The following SLC35F3 variants were observed in gnomAD, a reference collection of about 807,000 sequenced individuals.
SLC35F3 encodes solute carrier family 35 member F3, also known as putative thiamine transporter SLC35F3.
In SLC35F3, 25 loss-of-function variants were observed where a neutral mutation model predicts 49.9. The observed-to-expected ratio is 0.50, with a 90% confidence interval of 0.37 to 0.70. SLC35F3 has a LOEUF of 0.70. Among genes scored for constraint, SLC35F3 ranks in the 30% least tolerant of loss-of-function variants. The probability of loss-of-function intolerance (pLI) is 0.00; values close to 1 mark genes in which losing one functional copy is unlikely to be tolerated. For synonymous variants in SLC35F3, 275 were observed against 265.4 expected, an observed-to-expected ratio of 1.04 and a Z score of -0.35; for missense variants, 525 against 639.8, an observed-to-expected ratio of 0.82 and a Z score of 1.94.
intron 2 of SLC35F3, among the ~76,000 whole-genome samples, chr1:234,184,150 AC>A (rs1408883515): frequency 4.9e-4 from 74 of 151,884 alleles, no homozygotes; most frequent in African/African-American, 1.7e-3. Flanking sequence ...AAAAAAAAAA[AC>A]AAAAAACCTA....
At chr1:234,159,977 GC>G (rs1259093338) in intron 2 of SLC35F3, among the ~76,000 whole-genome samples, 11 of 152,174 alleles carry the variant, frequency 7.2e-5, no homozygotes, top group Admixed American at 3.3e-4. Flanking sequence ...GGACAATGGG[GC>G]ATAGAGAAGT....
At chr1:233,920,534 TC>T (rs755050231) in intron 2 of SLC35F3, among the ~76,000 whole-genome samples, 35 of 152,220 alleles carry the variant, frequency 2.3e-4, no homozygotes, top group Non-Finnish European at 4.3e-4. Flanking sequence ...GGTTGTAGTG[TC>T]CTGACGGACA....
intron 2 of SLC35F3, among the ~76,000 whole-genome samples, chr1:233,998,979 AG>A (rs1463730004): frequency 6.6e-6 from 1 of 152,188 alleles, no homozygotes; most frequent in Non-Finnish European, 1.5e-5. Context: ...TTACTGATGG[AG>A]TTAAATAGGG....
chr1:234,321,852 C>T (rs1261727606), intron 7 of SLC35F3, among the ~76,000 whole-genome samples: 4 of 151,960 alleles, frequency 2.6e-5, no homozygotes, highest in Non-Finnish European at 5.9e-5. Flanking sequence ...CTCTCCTTAT[C>T]TAGTGAATTA....
At chr1:233,932,710 C>G (rs370889854) in intron 2 of SLC35F3, among the ~76,000 whole-genome samples, 1 of 152,180 alleles carries the variant, frequency 6.6e-6, no homozygotes, top group Non-Finnish European at 1.5e-5. Context: ...CTTGATGGAT[C>G]AGTTGTTTAT....
intron 2 of SLC35F3, among the ~76,000 whole-genome samples, chr1:234,109,004 C>T (rs182708708): frequency 1.4e-4 from 22 of 151,826 alleles, no homozygotes; most frequent in Admixed American, 1.2e-3. Context: ...GAAATGCCTG[C>T]CACCAATCTC....
intron 2 of SLC35F3, among the ~76,000 whole-genome samples, chr1:234,185,545 C>G (rs1666630295): frequency 6.6e-6 from 1 of 152,142 alleles, no homozygotes; most frequent in Non-Finnish European, 1.5e-5. Flanking sequence ...GGGGTGGAAC[C>G]CTTGGCTAGC....
chr1:234,309,188 C>T lies in SLC35F3; in HGVS notation c.696C>T (p.Leu232=). 6.2e-7 allele frequency: 1 copy of T among 1,614,196 alleles called. No individual in the cohort carries two copies. The highest frequency in any genetic ancestry group is 8.5e-7 in the Non-Finnish European group (1 of 1,180,040). The change falls in exon 4 of 8, where the codon CTC becomes CTT. Residue 232 remains leucine, a synonymous_variant. Transcript: ENST00000366618. ...KAAPFGVLWT[L]TNYLYLHAIK... is the part of the protein sequence containing the mutation. Reference sequence around the variant, plus strand: ...CACCCTTTGGTGTTCTTTGGACACTCACAAACTACCTGTACTTACATGCAA... The same window carrying T: ...CACCCTTTGGTGTTCTTTGGACACTTACAAACTACCTGTACTTACATGCAA...
At chr1:234,198,679 T>C (rs1350803568) in intron 2 of SLC35F3, among the ~76,000 whole-genome samples, 1 of 152,206 alleles carries the variant, frequency 6.6e-6, no homozygotes, top group African/African-American at 2.4e-5. Context: ...TACAATGTGA[T>C]GTTTTGATCT....
At chr1:233,956,772 C>T (rs1318819079) in intron 2 of SLC35F3, among the ~76,000 whole-genome samples, 1 of 152,244 alleles carries the variant, frequency 6.6e-6, no homozygotes, top group East Asian at 1.9e-4. Flanking sequence ...CCTCAAGCAG[C>T]TGTGGATGAA....
chr1:234,067,570 G>A (rs1664640411), intron 2 of SLC35F3, among the ~76,000 whole-genome samples: 1 of 152,130 alleles, frequency 6.6e-6, no homozygotes, highest in African/African-American at 2.4e-5. Flanking sequence ...AAATCTGGGG[G>A]CCTTACAGCT....
intron 2 of SLC35F3, among the ~76,000 whole-genome samples, chr1:234,043,154 C>CA (rs1193711534): frequency 6.6e-6 from 1 of 152,190 alleles, no homozygotes; most frequent in Non-Finnish European, 1.5e-5. Flanking sequence ...CCTCCAGCCC[C>CA]ATCACTTTGT....
intron 2 of SLC35F3, among the ~76,000 whole-genome samples, chr1:234,066,835 C>T (rs1288358871): frequency 1.2e-4 from 3 of 26,002 alleles, no homozygotes; most frequent in Admixed American, 6.0e-4. Context: ...CTCTCCCACA[C>T]ACACACACAC....
At chr1:234,229,540 A>G (rs1056452722) in intron 2 of SLC35F3, among the ~76,000 whole-genome samples, 1 of 152,262 alleles carries the variant, frequency 6.6e-6, no homozygotes, top group Non-Finnish European at 1.5e-5. Flanking sequence ...CTATAATGAA[A>G]ACATTCAATG....
chr1:234,237,649 G>T (rs1014289096), intron 3 of SLC35F3, among the ~76,000 whole-genome samples: 4 of 152,204 alleles, frequency 2.6e-5, no homozygotes, highest in East Asian at 1.9e-4. Flanking sequence ...ATAGAGTAAG[G>T]CCCCTTTGGA....
rs1439856622 is a variant in SLC35F3 at position 234,309,144 on chromosome 1, G to A, written c.652G>A (p.Val218Met). Residue 218 changes from valine to methionine, a missense_variant, in exon 4 of 8, where the codon GTG (valine) becomes ATG (methionine). Val to Met is a conservative substitution (Grantham distance 21, BLOSUM62 1). Transcript: ENST00000366618. The part of the protein sequence containing the change: ...FFGDNGLTLK[V>M]FFTKAAPFGV... Reference sequence around the variant, plus strand: ...TGGAGACAATGGCTTGACTTTGAAGGTGTTTTTTACCAAGGCAGCACCCTT... The same window carrying A: ...TGGAGACAATGGCTTGACTTTGAAGATGTTTTTTACCAAGGCAGCACCCTT... 2.5e-6 allele frequency: 4 copies of A among 1,614,136 alleles called. No homozygotes were observed. Among genetic ancestry groups the A allele is most frequent in the Non-Finnish European group, 3.4e-6 (4 of 1,180,020 alleles).
chr1:233,942,699 C>G (rs991216497), intron 2 of SLC35F3, among the ~76,000 whole-genome samples: 4 of 152,154 alleles, frequency 2.6e-5, no homozygotes, highest in African/African-American at 9.7e-5. Flanking sequence ...AGACATGAGC[C>G]GCTGAGCCCA....
intron 3 of SLC35F3, among the ~76,000 whole-genome samples, chr1:234,235,459 G>A (rs1667450173): frequency 6.6e-6 from 1 of 152,240 alleles, no homozygotes. Context: ...GTTTGGGAGA[G>A]ACTGTTGAGC....
intron 2 of SLC35F3, among the ~76,000 whole-genome samples, chr1:234,097,468 A>G (rs1159195796): frequency 6.6e-6 from 1 of 152,198 alleles, no homozygotes; most frequent in East Asian, 1.9e-4. Flanking sequence ...GAGAGGGAGC[A>G]CCTGGGCTCA....
Sources: gnomAD v4.1 joint callset for allele counts (sites outside exome capture counted in the v4.1 genomes callset) on GRCh38, gnomAD v4.1.1 for gene constraint, MANE v1.5 for transcripts, NCBI Gene and HGNC (gene_info 2026-07-23, HGNC 2026-07-21) for gene names.